EVC: variants seen among roughly 807,000 people sequenced by gnomAD.
EVC encodes the protein evC complex member EVC.
EVC carries 116 observed loss-of-function variants against 118.9 expected under a neutral mutation model. The observed-to-expected ratio is 0.98, with a 90% CI of 0.84 to 1.14. EVC has a LOEUF of 1.14. EVC is among the 50% of genes most tolerant of loss of function. The probability of loss-of-function intolerance (pLI) is 0.00; values close to 1 mark genes in which losing one functional copy is unlikely to be tolerated. For missense variants in EVC, 1,401 were observed against 1,246.4 expected, an observed-to-expected ratio of 1.12 and a Z score of -1.87; for synonymous variants, 619 against 534.7, an observed-to-expected ratio of 1.16 and a Z score of -2.18.
rs1447499538 is a variant in EVC at position 5,779,321 on chromosome 4, C to T, written c.1564-4231C>T. Among the ~76,000 whole-genome samples the T allele has an allele frequency of 3.0e-3, 451 of 152,022 alleles. 4 individuals carry two copies. Among genetic ancestry groups the T allele is most frequent in the African/African-American group, 0.01 (429 of 41,408 alleles). On this transcript the variant is annotated intron_variant, in intron 11 of 20. Transcript: ENST00000264956. ...TTGGCTTAGGATTGACTTGGCGATG[C>T]GGGCTCCTTTTTGGTTCCATATGAA...
At chr4:5,770,821 G>A (rs1432594590) in intron 11 of EVC, among the ~76,000 whole-genome samples, 3 of 152,040 alleles carry the variant, frequency 2.0e-5, no homozygotes, top group Non-Finnish European at 2.9e-5. Context: ...AGACCAGCCC[G>A]GCCAACATGG....
chr4:5,822,896 A>G, the EVC span, among the ~76,000 whole-genome samples: 1 of 152,252 alleles, frequency 6.6e-6, no homozygotes, highest in African/African-American at 2.4e-5. Context: ...CCTCTTCGGC[A>G]CACAGCACAA....
chr4:5,747,028 G>T (rs374076630), intron 7 of EVC, among the ~76,000 whole-genome samples: 1 of 152,072 alleles, frequency 6.6e-6, no homozygotes, highest in African/African-American at 2.4e-5. Context: ...GGGAAGAGCA[G>T]GGTGAGAGCC....
Position 5,755,502 on chromosome 4 carries a change from T to C in EVC, c.1465-762T>C, listed in dbSNP as rs2152090391. ...AGTACACACTCAGCACCCACCTTTT[T>C]CCAGTCCCGCCCTTCTCTCTCATCT... On this transcript the variant is annotated intron_variant, in intron 10 of 20. Coordinates refer to ENST00000264956, the MANE Select transcript of EVC (RefSeq NM_153717.3). This position sits in a 1 kb window ranked among gnomAD's most constrained non-coding sequence, Gnocchi z 4.1. Among the ~76,000 whole-genome samples the C allele has an allele frequency of 6.6e-6, 1 of 152,228 alleles. No homozygotes were observed.
intron 12 of EVC, chr4:5,793,367 A>AT (rs1177813034): frequency 3.8e-6 from 2 of 520,318 alleles, no homozygotes; most frequent in Non-Finnish European, 6.9e-6. Flanking sequence ...CAGAAAATAA[A>AT]TTTTAGATAC....
intron 12 of EVC, among the ~76,000 whole-genome samples, chr4:5,786,091 G>C (rs565572017): frequency 1.1e-4 from 16 of 152,316 alleles, no homozygotes; most frequent in African/African-American, 3.8e-4. Flanking sequence ...TGTGACTTTA[G>C]CCAGTGAGCT....
chr4:5,816,211 C>A (rs1717650572), downstream of EVC, among the ~76,000 whole-genome samples: 1 of 152,172 alleles, frequency 6.6e-6, no homozygotes, highest in Middle Eastern at 3.2e-3. Flanking sequence ...ACCGACATAG[C>A]CTGCAGTCCA....
rs1351357 is a variant in EVC, at chr4:5,744,893, T to C, written c.802-311T>C. Among the ~76,000 whole-genome samples, 85,494 of 151,702 alleles carry C rather than the reference T, an allele frequency of 0.56. 24,517 individuals carry two copies. The highest frequency in any genetic ancestry group is 0.62 in the Non-Finnish European group (42,261 of 67,932). On this transcript the variant is annotated intron_variant, in intron 6 of 20. Coordinates refer to ENST00000264956, the MANE Select transcript of EVC (RefSeq NM_153717.3). ...AAAGAAACATTCCTTCCCAACCCAC[T>C]GGATGTCATGATATTTTCCAGGACT... is the stretch of plus-strand genomic sequence containing the variant.
At chr4:5,734,362 C>T (rs1468556540) in intron 5 of EVC, among the ~76,000 whole-genome samples, 1 of 152,084 alleles carries the variant, frequency 6.6e-6, no homozygotes, top group Non-Finnish European at 1.5e-5. Context: ...CGTTGGAGGC[C>T]AGGCATGGTG....
At position 5,731,747 on chromosome 4, in the gene EVC, C is replaced by T; in HGVS notation, c.617+90C>T. 7.7e-7 allele frequency: 1 copy of T among 1,298,254 alleles called. No homozygotes were observed. Among genetic ancestry groups the T allele is most frequent in the Non-Finnish European group, 1.1e-6 (1 of 916,912 alleles). The allele number at this position is 1,298,254 out of a possible 1,614,324, so 80.4% of individuals were successfully genotyped here. On this transcript the variant is annotated intron_variant, in intron 4 of 20. Coordinates refer to ENST00000264956, the MANE Select transcript of EVC (RefSeq NM_153717.3). The surrounding 1 kb of genome is among the most constrained non-coding windows in gnomAD (Gnocchi z 5.6). The stretch of plus-strand genomic sequence containing the variant: ...CATTGTCAGAGGAGGAAACAGAGGC[C>T]CAGAGAGGTTCAGTGACTCTGCCAG...
chr4:5,732,316 G>C (rs1726957757), intron 4 of EVC, among the ~76,000 whole-genome samples: 1 of 152,196 alleles, frequency 6.6e-6, no homozygotes, highest in Admixed American at 6.5e-5. Flanking sequence ...GAGTCCAAGA[G>C]GTGGGATGAT....
At chr4:5,782,454 C>T (rs1329440343) in intron 11 of EVC, among the ~76,000 whole-genome samples, 2 of 104,690 alleles carry the variant, frequency 1.9e-5, no homozygotes, top group Non-Finnish European at 3.4e-5. Context: ...AGTGCAGTGG[C>T]GCAATCTCGG....
intron 4 of EVC, 114 bp from the exon 5 acceptor site, chr4:5,733,237 G>A (rs540021718): frequency 1.9e-5 from 16 of 841,778 alleles, no homozygotes; most frequent in Non-Finnish European, 3.3e-5. Context: ...GCTGCAGAAT[G>A]AGAGTTTGAG....
intron 11 of EVC, among the ~76,000 whole-genome samples, chr4:5,757,512 A>G (rs1256861148): frequency 6.6e-6 from 1 of 152,210 alleles, no homozygotes; most frequent in African/African-American, 2.4e-5. Context: ...GCGTTCTCTC[A>G]AGGTTCTGGA....
rs148506090 is a variant in EVC at position 5,784,575 on chromosome 4, C to T, written c.1776+811C>T. Among the ~76,000 whole-genome samples, 422 of 150,858 alleles carry T rather than the reference C, an allele frequency of 2.8e-3. 5 individuals carry two copies. Among genetic ancestry groups the T allele is most frequent in the African/African-American group, 9.7e-3 (399 of 41,040 alleles). On this transcript the variant is annotated intron_variant, in intron 12 of 20. Transcript: ENST00000264956. ...TACAGCTTGTAGCAATGTGGAACAG[C>T]AGCAATAGGAAACTAATACAATACA...
intron 3 of EVC, among the ~76,000 whole-genome samples, chr4:5,730,638 G>A (rs1342295933): frequency 6.6e-6 from 1 of 152,012 alleles, no homozygotes; most frequent in Non-Finnish European, 1.5e-5. Context: ...AGTGCATGAT[G>A]AAATAGGCAA....
At position 5,732,635 on chromosome 4, in the gene EVC, A is replaced by C. The variant is rs1229986087; in HGVS notation, c.618-716A>C. Among the ~76,000 whole-genome samples the C allele has an allele frequency of 2.0e-5, 3 of 152,216 alleles. 1 individual carries two copies. The highest frequency in any genetic ancestry group is 7.2e-5 in the African/African-American group (3 of 41,446). On this transcript the variant is annotated intron_variant, in intron 4 of 20. Transcript: ENST00000264956. ...GATTTGTCTGATTCTCTCTTCCCTG[A>C]GTCAGTTTCTGCATCTGTAAAATGG...
chr4:5,729,294 C>G lies in EVC; in HGVS notation c.301-13C>G. The G allele has an allele frequency of 6.2e-7, 1 of 1,613,950 alleles. No individual in the cohort carries two copies. Among genetic ancestry groups the G allele is most frequent in the African/African-American group, 1.3e-5 (1 of 75,026 alleles). ...AGAAAGTTTCCCATGCCGTTTGTGT[C>G]TTTCCCTCCCAGGAATGTGAGCCGC... is the stretch of plus-strand genomic sequence containing the variant. On this transcript the variant is annotated splice_polypyrimidine_tract_variant and intron_variant, in intron 2 of 20. Transcript: ENST00000264956.
intron 12 of EVC, among the ~76,000 whole-genome samples, chr4:5,785,699 A>T (rs1321081508): frequency 6.6e-6 from 1 of 152,174 alleles, no homozygotes; most frequent in African/African-American, 2.4e-5. Flanking sequence ...TCATCTTGAC[A>T]CCACCTATTC....
Sources: gnomAD v4.1 joint callset for allele counts (sites outside exome capture counted in the v4.1 genomes callset) on GRCh38, gnomAD v4.1.1 for gene constraint, Gnocchi (gnomAD v3.1) non-coding constraint, MANE v1.5 for transcripts, NCBI Gene and HGNC (gene_info 2026-07-23, HGNC 2026-07-21) for gene names.